HRH1: variants seen among roughly 807,000 people sequenced by gnomAD.
HRH1 encodes the protein histamine receptor H1.
A neutral mutation model predicts 10.3 loss-of-function variants in HRH1; 6 were observed. The ratio of observed to expected loss-of-function variants is 0.58; its 90% CI spans 0.32 to 1.15. The LOEUF is 1.15. Ranked by LOEUF, HRH1 falls within the 50% of genes most tolerant of loss-of-function variation. The pLI is 0.05. For synonymous variants in HRH1, 242 were observed against 236.7 expected, an observed-to-expected ratio of 1.02 and a Z score of -0.21; for missense variants, 514 against 615.3, an observed-to-expected ratio of 0.84 and a Z score of 1.74.
chr3:11,178,320 C>A (rs17034099), intron 1 of HRH1, among the ~76,000 whole-genome samples: 13,215 of 152,218 alleles, frequency 0.087, 1,331 homozygotes, highest in African/African-American at 0.24. Flanking sequence ...ATGGATGATC[C>A]TTCTTGAAGA....
rs532715470 is a variant in HRH1, at chr3:11,188,160, AT to A, written c.-36+33614del. Among the ~76,000 whole-genome samples the A allele has an allele frequency of 5.6e-4, 85 of 152,270 alleles. 2 individuals are homozygous for A. In the South Asian group the frequency reaches 0.016, roughly 29 times the overall value. On this transcript the variant is annotated intron_variant, in intron 1 of 1. Coordinates refer to ENST00000431010, the MANE Select transcript of HRH1 (RefSeq NM_001098212.2). ...TTTAACTTTATCAAATTGGCATTCA[AT>A]TTTTTTTAATTGACAATATCTAGCA...
chr3:11,259,473 G>C lies in HRH1; in HGVS notation c.436G>C (p.Ala146Pro). Residue 146 changes from alanine to proline, a missense_variant, in exon 2 of 2, where the codon GCC (alanine) becomes CCC (proline). By Grantham distance (27) the Ala-to-Pro change is conservative. Coordinates refer to ENST00000431010, the MANE Select transcript of HRH1 (RefSeq NM_001098212.2). This position sits in a 1 kb window ranked among gnomAD's most constrained non-coding sequence, Gnocchi z 4.6. ...LKYRTKTRAS[A>P]TILGAWFLSF... ...GTATCGTACCAAGACCCGAGCCTCG[G>C]CCACCATTCTGGGGGCCTGGTTTCT... The C allele has an allele frequency of 6.2e-7, 1 of 1,613,958 alleles. No homozygotes were observed. Among genetic ancestry groups the C allele is most frequent in the Non-Finnish European group, 8.5e-7 (1 of 1,180,012 alleles).
chr3:11,179,071 T>G lies in HRH1; in HGVS notation c.-36+24517T>G, dbSNP rs550411957. 1.6e-3 allele frequency among the ~76,000 whole-genome samples: 251 copies of G among 152,194 alleles called. 3 individuals are homozygous for G. The highest frequency in any genetic ancestry group is 3.5e-3 in the Admixed American group (54 of 15,294). On this transcript the variant is annotated intron_variant, in intron 1 of 1. Transcript: ENST00000431010. ...GGGAGGCCAAGGCAGACAGATCACC[T>G]GAGGTCAGAAGTTCAAGACCAGCCT...
At chr3:11,174,735 G>T (rs1378136110) in intron 1 of HRH1, among the ~76,000 whole-genome samples, 2 of 152,212 alleles carry the variant, frequency 1.3e-5, no homozygotes, top group Non-Finnish European at 2.9e-5. Flanking sequence ...GAAGGCTGGG[G>T]GTGCCCCTCG....
chr3:11,252,767 A>G (rs766715197), intron 1 of HRH1: 1 of 152,252 alleles, frequency 6.6e-6, no homozygotes, highest in Non-Finnish European at 1.5e-5. Flanking sequence ...CTTCAATTAC[A>G]GGTTTTAAAT....
Position 11,215,016 on chromosome 3 carries a change from A to G in HRH1, c.-35-43987A>G, listed in dbSNP as rs117494063. 6.8e-4 allele frequency among the ~76,000 whole-genome samples: 103 copies of G among 152,276 alleles called. 4 individuals are homozygous for G. In the East Asian group the frequency reaches 0.02, roughly 29 times the overall value. Reference sequence around the variant, plus strand: ...GCAACAGAATAAAAATAGTCTCTTGACTCTACATAGTTGGTGACTATGACA... The same window carrying G: ...GCAACAGAATAAAAATAGTCTCTTGGCTCTACATAGTTGGTGACTATGACA... On this transcript the variant is annotated intron_variant, in intron 1 of 1. Coordinates refer to ENST00000431010, the MANE Select transcript of HRH1 (RefSeq NM_001098212.2).
chr3:11,160,837 G>A (rs1001447550), intron 1 of HRH1, among the ~76,000 whole-genome samples: 2 of 152,168 alleles, frequency 1.3e-5, no homozygotes, highest in South Asian at 2.1e-4. Context: ...CTATCAGACA[G>A]GGCCATGGCA....
At chr3:11,174,650 T>G (rs543573500) in intron 1 of HRH1, among the ~76,000 whole-genome samples, 67 of 152,226 alleles carry the variant, frequency 4.4e-4, no homozygotes, top group Non-Finnish European at 7.9e-4. Context: ...CCAGTGACAG[T>G]AAAACTGGTG....
intron 1 of HRH1, among the ~76,000 whole-genome samples, chr3:11,164,070 T>C (rs2125009650): frequency 6.6e-6 from 1 of 152,210 alleles, no homozygotes; most frequent in Admixed American, 6.5e-5. Context: ...AATGAATGAA[T>C]GAATGAATGA....
At chr3:11,231,246 G>T (rs346086) in intron 1 of HRH1, among the ~76,000 whole-genome samples, 101,819 of 152,108 alleles carry the variant, frequency 0.67, 34,310 homozygotes, top group Non-Finnish European at 0.7. Flanking sequence ...TCAAAGGGTA[G>T]CTGGTTGTTT....
chr3:11,233,636 G>A (rs1939099872), intron 1 of HRH1, among the ~76,000 whole-genome samples: 1 of 152,100 alleles, frequency 6.6e-6, no homozygotes, highest in African/African-American at 2.4e-5. Flanking sequence ...ACTTAGAAAG[G>A]AACTGTGAAT....
chr3:11,234,351 C>T (rs1435971589), intron 1 of HRH1: 1 of 1,597,178 alleles, frequency 6.3e-7, no homozygotes. Flanking sequence ...TCTTCCTCAT[C>T]CTCATCCTCT....
chr3:11,220,286 C>T (rs958392521), intron 1 of HRH1, among the ~76,000 whole-genome samples: 2 of 152,192 alleles, frequency 1.3e-5, no homozygotes, highest in African/African-American at 4.8e-5. Context: ...CCAAGTGCCA[C>T]TGTCAGCTCC....
chr3:11,235,984 C>A (rs2152576426), intron 1 of HRH1, among the ~76,000 whole-genome samples: 2 of 152,356 alleles, frequency 1.3e-5, no homozygotes, highest in South Asian at 4.1e-4. Context: ...GAATTCATCA[C>A]TGTGTCGCTC....
At chr3:11,187,760 T>C (rs1451590752) in intron 1 of HRH1, among the ~76,000 whole-genome samples, 1 of 152,234 alleles carries the variant, frequency 6.6e-6, no homozygotes, top group Non-Finnish European at 1.5e-5. Flanking sequence ...TGTATTTTTG[T>C]GTTGTTGTAA....
At chr3:11,242,350 G>A (rs1472659445) in intron 1 of HRH1, among the ~76,000 whole-genome samples, 1 of 151,776 alleles carries the variant, frequency 6.6e-6, no homozygotes, top group Non-Finnish European at 1.5e-5. Flanking sequence ...CCATGGTGGC[G>A]GGTGCCTGTA....
intron 1 of HRH1, among the ~76,000 whole-genome samples, chr3:11,168,606 C>T (rs969506177): frequency 6.6e-6 from 1 of 152,254 alleles, no homozygotes; most frequent in Non-Finnish European, 1.5e-5. Flanking sequence ...AGTTGGTTGC[C>T]TCATCTATAA....
At chr3:11,254,286 A>G (rs1385107634) in intron 1 of HRH1, among the ~76,000 whole-genome samples, 4 of 152,108 alleles carry the variant, frequency 2.6e-5, no homozygotes, top group Admixed American at 1.3e-4. Flanking sequence ...ATCCTTCTCC[A>G]TATGCTTCTC....
intron 1 of HRH1, among the ~76,000 whole-genome samples, chr3:11,256,017 A>C (rs1939772019): frequency 6.6e-6 from 1 of 152,194 alleles, no homozygotes; most frequent in Non-Finnish European, 1.5e-5. Context: ...GCAAGGTATT[A>C]GATGTGGGAA....
Sources: gnomAD v4.1 joint callset for allele counts (sites outside exome capture counted in the v4.1 genomes callset) on GRCh38, gnomAD v4.1.1 for gene constraint, Gnocchi (gnomAD v3.1) non-coding constraint, MANE v1.5 for transcripts, NCBI Gene and HGNC (gene_info 2026-07-23, HGNC 2026-07-21) for gene names.